Variants in DCC observed in about 807,000 individuals in gnomAD.
The protein encoded by DCC is DCC netrin 1 receptor.
A neutral mutation model predicts 172.5 loss-of-function variants in DCC; 58 were observed. The observed-to-expected ratio is 0.34, with a 90% CI of 0.27 to 0.42. The LOEUF is 0.42. DCC is among the 10% of genes least tolerant of loss of function. DCC has a pLI of 1.00. For synonymous variants in DCC, 709 were observed against 644.5 expected, an observed-to-expected ratio of 1.10 and a Z score of -1.52; for missense variants, 1,740 against 1,791.0, an observed-to-expected ratio of 0.97 and a Z score of 0.51.
chr18:53,089,588 CA>C (rs10716007), intron 7 of DCC, among the ~76,000 whole-genome samples: 56,260 of 125,832 alleles, frequency 0.45, 11,337 homozygotes, highest in Non-Finnish European at 0.51. Flanking sequence ...AAAAAAAAAC[CA>C]AAAAACAAAA....
At chr18:52,833,244 G>C (rs34899419) in intron 2 of DCC, among the ~76,000 whole-genome samples, 33,938 of 152,080 alleles carry the variant, frequency 0.22, 4,613 homozygotes, top group Admixed American at 0.31. Flanking sequence ...TCTTCTAGCT[G>C]TTACACTGCT....
intron 5 of DCC, among the ~76,000 whole-genome samples, chr18:53,047,484 TCTTTTTTTTATTAA>T (rs2042270876): frequency 3.4e-4 from 26 of 76,976 alleles, no homozygotes; most frequent in African/African-American, 1.4e-3. Context: ...TATTGAGGAA[TCTTTTTTTTATTAA>T]ACTGAGAAGT....
chr18:53,491,023 A>G lies in DCC; in HGVS notation c.3898+4065A>G, dbSNP rs113719267. ...CATTAGGCACTTTCCTATTCTCCCT[A>G]TGTGGTACTAAGGATGGATTTTGCT... On this transcript the variant is annotated intron_variant, in intron 26 of 28. Coordinates refer to ENST00000442544, the MANE Select transcript of DCC (RefSeq NM_005215.4). 5.5e-3 allele frequency among the ~76,000 whole-genome samples: 833 copies of G among 152,174 alleles called. 5 individuals carry two copies. The highest frequency in any genetic ancestry group is 0.019 in the African/African-American group (783 of 41,532).
At chr18:52,986,859 A>AG (rs1303037625) in intron 5 of DCC, among the ~76,000 whole-genome samples, 25 of 133,288 alleles carry the variant, frequency 1.9e-4, no homozygotes, top group Non-Finnish European at 2.6e-4. Flanking sequence ...CACACACACA[A>AG]ACAGACATAT....
Position 53,530,882 on chromosome 18 carries a change from G to C in DCC, c.*229G>C, listed in dbSNP as rs372998353. On this transcript the variant is annotated 3_prime_UTR_variant, in exon 29 of 29. Coordinates refer to ENST00000442544, the MANE Select transcript of DCC (RefSeq NM_005215.4). The stretch of plus-strand genomic sequence containing the variant: ...TATGAGTTCCCTAAACAAAAGCAAA[G>C]ATGCATTTTCACTGCAATGTCAAAG... The C allele has an allele frequency of 6.6e-6, 4 of 607,282 alleles. No homozygotes were observed. Among genetic ancestry groups the C allele is most frequent in the East Asian group, 2.8e-5 (1 of 35,182 alleles). 37.6% of individuals were successfully genotyped at this position (607,282 alleles called of 1,614,324 possible).
chr18:53,071,737 AG>A (rs931653752), intron 7 of DCC, among the ~76,000 whole-genome samples: 1 of 152,128 alleles, frequency 6.6e-6, no homozygotes, highest in African/African-American at 2.4e-5. Context: ...TTTGAAGGGG[AG>A]GGCAGGATGT....
At chr18:53,270,453 T>G (rs917073826) in intron 12 of DCC, among the ~76,000 whole-genome samples, 2 of 152,104 alleles carry the variant, frequency 1.3e-5, no homozygotes, top group Non-Finnish European at 2.9e-5. Context: ...TTATATATGA[T>G]TAGTTGTAAG....
At chr18:53,402,643 C>T (rs1909383767) in intron 18 of DCC, 143 bp from the exon 19 acceptor site, 3 of 725,600 alleles carry the variant, frequency 4.1e-6, no homozygotes, top group South Asian at 1.5e-5. Flanking sequence ...TTATTCAAAT[C>T]CTTGAAATAA....
rs1243488143 is a variant in DCC, at chr18:53,428,725, ATAT to A, written c.3164-6415_3164-6413del. Among the ~76,000 whole-genome samples the A allele has an allele frequency of 9.6e-5, 4 of 41,570 alleles. No homozygotes were observed. The Admixed American group carries it at 1.6e-3, about 17-fold the overall frequency. 27.3% of individuals were successfully genotyped at this position (41,570 alleles called of 152,430 possible). A position where few individuals can be genotyped will look rare whatever the true frequency, so the allele number is the denominator to read the frequency against. On this transcript the variant is annotated intron_variant, in intron 21 of 28. Coordinates refer to ENST00000442544, the MANE Select transcript of DCC (RefSeq NM_005215.4). ...TTTTATATATTATATATATTTATAT[ATAT>A]TATATTATATACTATATATTTTATA...
chr18:53,066,145 C>A lies in DCC; in HGVS notation c.1240C>A (p.Gln414Lys). 1 of 1,613,184 alleles carries A rather than the reference C, an allele frequency of 6.2e-7. No individual in the cohort carries two copies. The highest frequency in any genetic ancestry group is 8.5e-7 in the Non-Finnish European group (1 of 1,179,420). ...NEAGNAQTSA[Q>K]LIVPKPAIPS... ...GGCTGGAAATGCCCAGACCAGTGCA[C>A]AGCTCATTGTCCCTAAGCCTGGTAA... is the stretch of plus-strand genomic sequence containing the variant. Residue 414 changes from glutamine to lysine, a missense_variant, in exon 7 of 29, where the codon CAG becomes AAG. By Grantham distance (53) the Gln-to-Lys change is moderately conservative. Around this residue, in one of 2 missense-constraint regions of DCC, gnomAD observed 1,732 missense variants for 1,767.4 expected, o/e 0.98. Transcript: ENST00000442544.
intron 9 of DCC, among the ~76,000 whole-genome samples, chr18:53,193,436 A>G (rs540921048): frequency 1.3e-5 from 2 of 152,254 alleles, no homozygotes; most frequent in Admixed American, 6.5e-5. Flanking sequence ...TAATTCATAT[A>G]TTATTTATTA....
chr18:53,233,453 TC>T (rs1452553498), intron 12 of DCC, among the ~76,000 whole-genome samples: 1 of 152,202 alleles, frequency 6.6e-6, no homozygotes, highest in Non-Finnish European at 1.5e-5. Context: ...ATACACTTTT[TC>T]CCTAGAATAT....
chr18:53,167,606 T>A (rs2054941860), intron 8 of DCC, among the ~76,000 whole-genome samples: 1 of 152,194 alleles, frequency 6.6e-6, no homozygotes, highest in African/African-American at 2.4e-5. Flanking sequence ...TTTATGCATT[T>A]ATTTAAAAAA....
intron 1 of DCC, among the ~76,000 whole-genome samples, chr18:52,497,462 A>T (rs945163260): frequency 2.1e-4 from 27 of 128,772 alleles, no homozygotes; most frequent in African/African-American, 7.2e-4. Flanking sequence ...AAGTTTTTTT[A>T]AAAAAGCAGA....
chr18:52,666,820 C>T (rs1022018985), intron 1 of DCC, among the ~76,000 whole-genome samples: 14 of 152,152 alleles, frequency 9.2e-5, no homozygotes, highest in Non-Finnish European at 2.1e-4. Context: ...TTTAGAATTA[C>T]CTCTGCTTAT....
chr18:52,585,030 C>T (rs963501378), intron 1 of DCC, among the ~76,000 whole-genome samples: 2 of 152,128 alleles, frequency 1.3e-5, no homozygotes, highest in Non-Finnish European at 2.9e-5. Flanking sequence ...GAGAATGTCT[C>T]GAGTAGCTAA....
chr18:52,561,887 A>G (rs1489479898), intron 1 of DCC, among the ~76,000 whole-genome samples: 2 of 152,326 alleles, frequency 1.3e-5, no homozygotes, highest in South Asian at 2.1e-4. Context: ...CTATTTCTAA[A>G]TCAGAGGATA....
intron 1 of DCC, among the ~76,000 whole-genome samples, chr18:52,453,435 A>T (rs1988366510): frequency 1.3e-5 from 2 of 152,148 alleles, no homozygotes; most frequent in Non-Finnish European, 2.9e-5. Flanking sequence ...TTGCCCCTGT[A>T]CCATGCGATG....
chr18:52,814,263 C>T (rs1235952004), intron 2 of DCC, among the ~76,000 whole-genome samples: 1 of 152,166 alleles, frequency 6.6e-6, no homozygotes, highest in African/African-American at 2.4e-5. Context: ...TATTGGGAGC[C>T]AGCCAGTCTG....
Sources: gnomAD v4.1 joint callset for allele counts (sites outside exome capture counted in the v4.1 genomes callset) on GRCh38, gnomAD v4.1.1 for gene constraint, gnomAD v4.1.1 regional missense constraint, MANE v1.5 for transcripts, NCBI Gene and HGNC (gene_info 2026-07-23, HGNC 2026-07-21) for gene names.